The following DOCK4 variants were observed in gnomAD, a reference collection of about 807,000 sequenced individuals.
The protein encoded by DOCK4 is dedicator of cytokinesis 4, also known as dedicator of cytokinesis protein 4.
Under a neutral mutation model 268.1 loss-of-function variants are expected in DOCK4, and 97 were observed. The observed-to-expected ratio is 0.36, with a 90% CI of 0.31 to 0.43. DOCK4 has a LOEUF of 0.43. DOCK4 is among the 20% of genes least tolerant of loss of function. The pLI is 1.00. For missense variants in DOCK4, 2,145 were observed against 2,455.7 expected, an observed-to-expected ratio of 0.87 and a Z score of 2.67; for synonymous variants, 954 against 887.2, an observed-to-expected ratio of 1.08 and a Z score of -1.34.
At chr7:112,153,251 T>G (rs984682779) in intron 1 of DOCK4, among the ~76,000 whole-genome samples, 3 of 152,160 alleles carry the variant, frequency 2.0e-5, no homozygotes, top group Admixed American at 2.0e-4. Flanking sequence ...AGAACACCAT[T>G]GTAAATGGTA....
At chr7:111,988,797 G>A (rs1391423636) in intron 6 of DOCK4, among the ~76,000 whole-genome samples, 6 of 152,070 alleles carry the variant, frequency 3.9e-5, no homozygotes, top group South Asian at 2.1e-4. Context: ...AGCCACATAC[G>A]ATACTAGACA....
chr7:112,061,512 G>A (rs921418001), intron 1 of DOCK4, among the ~76,000 whole-genome samples: 1 of 152,016 alleles, frequency 6.6e-6, no homozygotes, highest in African/African-American at 2.4e-5. Flanking sequence ...TGCTACACAT[G>A]TCTTTCTGTC....
intron 38 of DOCK4, among the ~76,000 whole-genome samples, 176 bp from the exon 39 acceptor site, chr7:111,765,398 T>C (rs7778293): frequency 0.079 from 11,995 of 152,272 alleles, 1,511 homozygotes; most frequent in African/African-American, 0.27. Context: ...ATTTCCTCTA[T>C]AAATGTCCAG....
Position 111,863,429 on chromosome 7 carries a change from C to T in DOCK4, c.2416G>A (p.Ala806Thr), listed in dbSNP as rs1307347464. 1 of 1,613,994 alleles carries T rather than the reference C, an allele frequency of 6.2e-7. No homozygotes were observed. The highest frequency in any genetic ancestry group is 8.5e-7 in the Non-Finnish European group (1 of 1,179,888). Residue 806 changes from alanine to threonine, a missense_variant, in exon 23 of 53, where the codon GCC becomes ACC. Ala to Thr is a moderately conservative substitution (Grantham distance 58). Transcript: ENST00000428084. ...TTGCCAATGCACTGCAGTTTGATGGCCTGCAGGGAATCATCCACATGCAGG... is the reference window on the plus strand; with the variant it reads ...TTGCCAATGCACTGCAGTTTGATGGTCTGCAGGGAATCATCCACATGCAGG... ...TILHVDDSLQ[A>T]IKLQCIGKTV...
At chr7:111,885,132 CT>C (rs1562844333) in intron 16 of DOCK4, among the ~76,000 whole-genome samples, 1 of 152,108 alleles carries the variant, frequency 6.6e-6, no homozygotes. Flanking sequence ...ACTGCCTGTG[CT>C]TTAATTGGAA....
At chr7:112,006,021 C>T (rs975539490) in intron 1 of DOCK4, among the ~76,000 whole-genome samples, 6 of 152,180 alleles carry the variant, frequency 3.9e-5, no homozygotes, top group African/African-American at 1.4e-4. Flanking sequence ...GTCACACTCG[C>T]CAGCCTTCTC....
intron 8 of DOCK4, among the ~76,000 whole-genome samples, chr7:111,974,073 G>T (rs935791049): frequency 1.3e-4 from 20 of 152,178 alleles, no homozygotes; most frequent in African/African-American, 4.3e-4. Context: ...AAAATAGAAG[G>T]AAGTAAAGGG....
intron 1 of DOCK4, among the ~76,000 whole-genome samples, chr7:112,184,979 G>A (rs1819377964): frequency 6.6e-6 from 1 of 152,100 alleles, no homozygotes; most frequent in Non-Finnish European, 1.5e-5. Context: ...ATAATTGCAT[G>A]GTAGATAAAC....
chr7:112,014,502 T>A (rs1801639073), intron 1 of DOCK4, among the ~76,000 whole-genome samples: 1 of 152,138 alleles, frequency 6.6e-6, no homozygotes, highest in Admixed American at 6.5e-5. Flanking sequence ...GCTGATGTAC[T>A]CTCCTACCAA....
intron 1 of DOCK4, among the ~76,000 whole-genome samples, chr7:112,202,764 TAA>T (rs879426908): frequency 2.9e-5 from 4 of 140,274 alleles, no homozygotes; most frequent in African/African-American, 1.0e-4. Flanking sequence ...GTCTCTAAAT[TAA>T]AAAAAAAAAA....
At chr7:111,926,572 G>A (rs539506863) in intron 12 of DOCK4, among the ~76,000 whole-genome samples, 33 of 132,042 alleles carry the variant, frequency 2.5e-4, no homozygotes, top group East Asian at 9.5e-4. Context: ...GAAGCAGGGC[G>A]GGCGGGCAAG....
At chr7:111,970,639 T>C (rs920608877) in intron 8 of DOCK4, among the ~76,000 whole-genome samples, 2 of 152,212 alleles carry the variant, frequency 1.3e-5, no homozygotes, top group Admixed American at 1.3e-4. Flanking sequence ...ACTCGTTTTA[T>C]AAAACTAATA....
chr7:112,184,321 C>T (rs1819304201), intron 1 of DOCK4, among the ~76,000 whole-genome samples: 1 of 152,088 alleles, frequency 6.6e-6, no homozygotes, highest in African/African-American at 2.4e-5. Context: ...TATAACTGGG[C>T]AGGGTCAGGT....
At position 111,783,938 on chromosome 7, in the gene DOCK4, AT is replaced by A; in HGVS notation, c.3442del (p.Ile1148LeufsTer13). 6.2e-7 allele frequency: 1 copy of A among 1,604,704 alleles called. No individual in the cohort carries two copies. The highest frequency in any genetic ancestry group is 8.5e-7 in the Non-Finnish European group (1 of 1,175,416). ...FGPYPSLLKK[I>X]ERETWRESGV... is the part of the protein sequence containing the mutation. ...ACTTTCCCGCCATGTTTCCCGCTCA[AT>A]TTTCTTTAGTAGACTGGAAAAGAAA... On this transcript the variant is annotated frameshift_variant, in exon 34 of 53. Transcript: ENST00000428084. LOFTEE classifies it high-confidence loss of function.
intron 20 of DOCK4, among the ~76,000 whole-genome samples, chr7:111,870,627 T>C (rs1469535866): frequency 6.6e-6 from 1 of 152,160 alleles, no homozygotes; most frequent in Non-Finnish European, 1.5e-5. Flanking sequence ...CAGCCAGTTC[T>C]TGGTTTCTAG....
intron 1 of DOCK4, among the ~76,000 whole-genome samples, chr7:112,014,150 T>C (rs932764942): frequency 1.3e-5 from 2 of 152,342 alleles, no homozygotes; most frequent in East Asian, 1.9e-4. Flanking sequence ...AGTTATTAAG[T>C]CATGAGAAAG....
At chr7:112,029,249 T>G (rs1210774608) in intron 1 of DOCK4, among the ~76,000 whole-genome samples, 1 of 152,120 alleles carries the variant, frequency 6.6e-6, no homozygotes, top group African/African-American at 2.4e-5. Flanking sequence ...GAAAACAAAA[T>G]CTCAATTAAA....
chr7:112,031,713 T>C (rs776956584), intron 1 of DOCK4, among the ~76,000 whole-genome samples: 11 of 152,320 alleles, frequency 7.2e-5, no homozygotes, highest in Non-Finnish European at 1.2e-4. Flanking sequence ...AAATTAATCT[T>C]ATTGCCACGG....
chr7:112,084,972 A>G (rs1249326577), intron 1 of DOCK4, among the ~76,000 whole-genome samples: 3 of 152,076 alleles, frequency 2.0e-5, no homozygotes, highest in African/African-American at 7.2e-5. Context: ...GCCAAGTTGT[A>G]TGGCTTGGAA....
Sources: gnomAD v4.1 joint callset for allele counts (sites outside exome capture counted in the v4.1 genomes callset) on GRCh38, gnomAD v4.1.1 for gene constraint, MANE v1.5 for transcripts, NCBI Gene and HGNC (gene_info 2026-07-23, HGNC 2026-07-21) for gene names.